The following AFAP1 variants were observed in gnomAD, a reference collection of about 807,000 sequenced individuals.
AFAP1 encodes actin filament associated protein 1, also known as actin filament-associated protein 1.
A neutral mutation model predicts 93.9 loss-of-function variants in AFAP1; 75 were observed. The observed-to-expected ratio is 0.80, with a 90% CI of 0.66 to 0.97. The LOEUF (loss-of-function observed/expected upper bound fraction) is 0.97. AFAP1 is among the 50% of genes least tolerant of loss of function. The probability of loss-of-function intolerance (pLI) is 0.00; values close to 1 mark genes in which losing one functional copy is unlikely to be tolerated. For synonymous variants in AFAP1, 517 were observed against 430.7 expected (o/e 1.20, Z -2.48); for missense variants, 1,201 against 1,050.8 (o/e 1.14, Z -1.98).
At chr4:7,849,870 A>C (rs368013596) in intron 4 of AFAP1, among the ~76,000 whole-genome samples, 1 of 152,154 alleles carries the variant, frequency 6.6e-6, no homozygotes, top group African/African-American at 2.4e-5. Context: ...AGAGGGTCAC[A>C]AAGTTTTGAA....
chr4:7,812,463 T>C (rs924950334), intron 8 of AFAP1, among the ~76,000 whole-genome samples: 2 of 152,024 alleles, frequency 1.3e-5, no homozygotes, highest in African/African-American at 2.4e-5. Flanking sequence ...GGCAGACATA[T>C]GGTAATCCTG....
intron 1 of AFAP1, among the ~76,000 whole-genome samples, chr4:7,905,652 G>C (rs892904807): frequency 6.6e-6 from 1 of 152,050 alleles, no homozygotes; most frequent in Admixed American, 6.6e-5. Flanking sequence ...CTCTCATTTA[G>C]GCCATGAGCA....
intron 2 of AFAP1, among the ~76,000 whole-genome samples, chr4:7,869,397 G>T (rs540821823): frequency 1.3e-5 from 2 of 152,334 alleles, no homozygotes; most frequent in African/African-American, 4.8e-5. Context: ...ACTTACCCAT[G>T]TAGTAATAGG....
intron 3 of AFAP1, among the ~76,000 whole-genome samples, chr4:7,861,048 C>A (rs1560205406): frequency 6.6e-6 from 1 of 152,228 alleles, no homozygotes; most frequent in Non-Finnish European, 1.5e-5. Context: ...ATGACGAGAG[C>A]TGATCTTAGC....
intron 1 of AFAP1, among the ~76,000 whole-genome samples, chr4:7,895,854 T>TG (rs1282275291): frequency 5.6e-5 from 8 of 144,118 alleles, no homozygotes; most frequent in Non-Finnish European, 3.0e-5. Context: ...TTCAGAAAGT[T>TG]TTTTTTTTTT....
intron 4 of AFAP1, among the ~76,000 whole-genome samples, chr4:7,853,742 C>T (rs563054086): frequency 6.6e-6 from 1 of 152,292 alleles, no homozygotes; most frequent in East Asian, 1.9e-4. Flanking sequence ...GAAGGTGGTA[C>T]AATCCTTAAC....
At chr4:7,879,674 CTAAT>C (rs1717727899) in intron 1 of AFAP1, among the ~76,000 whole-genome samples, 1 of 145,852 alleles carries the variant, frequency 6.9e-6, no homozygotes, top group South Asian at 2.2e-4. Flanking sequence ...CCTCTTTGGA[CTAAT>C]TAATTATCTC....
rs1203230072 is a variant in AFAP1 at position 7,809,616 on chromosome 4, C to T, written c.1052G>A (p.Cys351Tyr). ...GTCTCCGGGAAGCGCAGTCTTACCG[C>T]AGGTGGGAACATCTTCCTCAGCTGA... Reference protein sequence around the residue: ...TSSAEEDVPTCGYLNVLSNSR... With the variant: ...TSSAEEDVPTYGYLNVLSNSR... Residue 351 changes from cysteine to tyrosine, a missense_variant and splice_region_variant, in exon 9 of 18, where the codon TGC becomes TAC. Coordinates refer to ENST00000420658, the MANE Select transcript of AFAP1 (RefSeq NM_001134647.2). 1 of 1,611,988 alleles carries T rather than the reference C, an allele frequency of 6.2e-7. No individual in the cohort carries two copies. The highest frequency in any genetic ancestry group is 1.1e-5 in the South Asian group (1 of 90,364).
chr4:7,827,597 G>T (rs1415493272), intron 6 of AFAP1, among the ~76,000 whole-genome samples: 1 of 80,272 alleles, frequency 1.2e-5, no homozygotes, highest in African/African-American at 4.7e-5. Flanking sequence ...AAAAGGGAGA[G>T]GAGAGAAAAA....
rs114348397 is a variant in AFAP1, at chr4:7,768,889, G to A, written c.2373C>T (p.Ala791=). Reference sequence around the variant, plus strand: ...GCCCTCGGCAGGGGGAGCTGCCCGGGGCAGCCTGGCTCTTCTTCAAGACGG... The same window carrying A: ...GCCCTCGGCAGGGGGAGCTGCCCGGAGCAGCCTGGCTCTTCTTCAAGACGG... ...SAAVLKKSQA[A]PGSSPCRGHV... is the part of the protein sequence containing the mutation. Residue 791 remains alanine, a synonymous_variant, in exon 17 of 18, where the codon GCC becomes GCT. Transcript: ENST00000420658. 4.3e-6 allele frequency: 7 copies of A among 1,610,998 alleles called. No individual in the cohort carries two copies. The highest frequency in any genetic ancestry group is 5.9e-6 in the Non-Finnish European group (7 of 1,177,790).
intron 11 of AFAP1, chr4:7,789,154 A>G (rs1159486241): frequency 6.6e-6 from 1 of 152,326 alleles, no homozygotes; most frequent in Non-Finnish European, 1.5e-5. Context: ...CCAGTCCCCA[A>G]GAGGGCAGGG....
At chr4:7,856,743 C>T (rs1323310203) in intron 3 of AFAP1, among the ~76,000 whole-genome samples, 2 of 152,170 alleles carry the variant, frequency 1.3e-5, no homozygotes, top group Non-Finnish European at 2.9e-5. Flanking sequence ...CTCCTAAGAC[C>T]ATCTACAGGA....
chr4:7,859,402 G>C (rs912633575), intron 3 of AFAP1, among the ~76,000 whole-genome samples: 1 of 151,666 alleles, frequency 6.6e-6, no homozygotes, highest in African/African-American at 2.4e-5. Context: ...CTGGGCAACA[G>C]AGCAAGACTC....
intron 1 of AFAP1, among the ~76,000 whole-genome samples, chr4:7,911,206 C>T (rs992953469): frequency 3.9e-5 from 6 of 152,182 alleles, no homozygotes; most frequent in Non-Finnish European, 8.8e-5. Context: ...CGAGCCAGGA[C>T]GGCTTTCTTC....
chr4:7,872,120 T>C, intron 1 of AFAP1, 40 bp from the exon 2 acceptor site: 1 of 1,609,848 alleles, frequency 6.2e-7, no homozygotes, highest in Non-Finnish European at 8.5e-7. Context: ...GACCCAGTGA[T>C]TTGCAAATGT....
chr4:7,805,309 A>G (rs1008393434), intron 9 of AFAP1, among the ~76,000 whole-genome samples: 1 of 152,232 alleles, frequency 6.6e-6, no homozygotes, highest in African/African-American at 2.4e-5. Flanking sequence ...AAAGTGACAG[A>G]ACATTTCAGC....
chr4:7,918,693 C>T (rs1386586790), intron 1 of AFAP1, among the ~76,000 whole-genome samples: 1 of 130,330 alleles, frequency 7.7e-6, no homozygotes, highest in Non-Finnish European at 1.6e-5. Flanking sequence ...ATAAGACACT[C>T]GGCCCAGGTC....
At chr4:7,935,658 A>G (rs1439902533) in intron 1 of AFAP1, among the ~76,000 whole-genome samples, 1 of 152,230 alleles carries the variant, frequency 6.6e-6, no homozygotes, top group Non-Finnish European at 1.5e-5. Flanking sequence ...GAGAAGTCGC[A>G]TCAGTCCTTA....
At chr4:7,853,833 C>A (rs759189732) in intron 4 of AFAP1, among the ~76,000 whole-genome samples, 3 of 152,282 alleles carry the variant, frequency 2.0e-5, no homozygotes, top group African/African-American at 7.2e-5. Context: ...GAGAGTCCCA[C>A]GGCAGACGTG....
Sources: gnomAD v4.1 joint callset for allele counts (sites outside exome capture counted in the v4.1 genomes callset) on GRCh38, gnomAD v4.1.1 for gene constraint, MANE v1.5 for transcripts, NCBI Gene and HGNC (gene_info 2026-07-23, HGNC 2026-07-21) for gene names.